Variants in SYT16 observed in about 807,000 individuals in gnomAD.
The protein encoded by SYT16 is synaptotagmin-16.
SYT16 carries 42 observed loss-of-function variants against 61.4 expected under a neutral mutation model. The observed-to-expected ratio is 0.68, with a 90% CI of 0.53 to 0.89. SYT16 has a LOEUF of 0.89. Ranked by LOEUF, SYT16 falls within the 40% of genes least tolerant of loss-of-function variation. SYT16 has a pLI of 0.00. For missense variants in SYT16, 804 were observed against 807.3 expected (o/e 1.00, Z 0.05); for synonymous variants, 314 against 302.3 (o/e 1.04, Z -0.40).
intron 5 of SYT16, 130 bp from the exon 6 acceptor site, chr14:62,080,704 C>T: frequency 1.1e-6 from 1 of 890,686 alleles, no homozygotes; most frequent in Non-Finnish European, 1.7e-6. Flanking sequence ...ACAGACCTAT[C>T]TGATATAGAG....
intron 1 of SYT16, among the ~76,000 whole-genome samples, chr14:61,836,337 G>A (rs182218843): frequency 4.6e-4 from 70 of 152,202 alleles, no homozygotes; most frequent in African/African-American, 1.6e-3. Context: ...GGCCCAGATC[G>A]GCAAAGGAAA....
At position 62,045,605 on chromosome 14, in the gene SYT16, C is replaced by CCA. The variant is rs1235104646; in HGVS notation, c.524-23997_524-23996insAC. ...CTCCTAATGCTATCTCTCCCCACTTCCCCCACCCCACAACAGGCCCCGGTG... is the reference window on the plus strand; with the variant it reads ...CTCCTAATGCTATCTCTCCCCACTTCCACCCCACCCCACAACAGGCCCCGGTG... On this transcript the variant is annotated intron_variant, in intron 3 of 7. Coordinates refer to ENST00000683842, the MANE Select transcript of SYT16 (RefSeq NM_001367656.1). Among the ~76,000 whole-genome samples, 10 of 152,054 alleles carry CCA rather than the reference C, an allele frequency of 6.6e-5. No homozygotes were observed. The East Asian group carries it at 1.2e-3, about 18-fold the overall frequency.
intron 1 of SYT16, among the ~76,000 whole-genome samples, chr14:61,849,045 G>A (rs1432504009): frequency 6.6e-6 from 1 of 152,156 alleles, no homozygotes; most frequent in Non-Finnish European, 1.5e-5. Context: ...TGCCAGGACT[G>A]GGTTCTTCCC....
intron 3 of SYT16, among the ~76,000 whole-genome samples, chr14:62,067,054 A>G (rs1270812750): frequency 6.6e-6 from 1 of 152,060 alleles, no homozygotes; most frequent in Non-Finnish European, 1.5e-5. Context: ...TGACTAGTGT[A>G]TATAGGGGCT....
At chr14:62,017,907 T>C in intron 3 of SYT16, among the ~76,000 whole-genome samples, 1 of 152,038 alleles carries the variant, frequency 6.6e-6, no homozygotes, top group East Asian at 1.9e-4. Flanking sequence ...GTAGAGACAG[T>C]GTCTCACTAT....
intron 2 of SYT16, among the ~76,000 whole-genome samples, chr14:61,973,030 C>T (rs1226359257): frequency 6.6e-6 from 1 of 152,038 alleles, no homozygotes; most frequent in African/African-American, 2.4e-5. Flanking sequence ...ATAAGATTGC[C>T]ATTTTTGTTG....
chr14:61,863,257 T>C (rs2047021203), intron 1 of SYT16, among the ~76,000 whole-genome samples: 2 of 151,656 alleles, frequency 1.3e-5, no homozygotes, highest in East Asian at 3.8e-4. Context: ...TGAGAGTTCC[T>C]GTTGTTCCGC....
chr14:62,084,226 G>A lies in SYT16; in HGVS notation c.1465G>A (p.Val489Ile). 1 of 1,613,854 alleles carries A rather than the reference G, an allele frequency of 6.2e-7. No homozygotes were observed. Among genetic ancestry groups the A allele is most frequent in the Non-Finnish European group, 8.5e-7 (1 of 1,179,834 alleles). ...AGGGTCTCCGCTCAGCCCATCTGCG[G>A]TTTCTCACAGTGATAGTACTTCATC... ...SGGSPLSPSA[V>I]SHSDSTSSTQ... Residue 489 changes from valine to isoleucine, a missense_variant, in exon 7 of 8, where the codon GTT (valine) becomes ATT (isoleucine). Val to Ile is a conservative substitution (Grantham distance 29). Coordinates refer to ENST00000683842, the MANE Select transcript of SYT16 (RefSeq NM_001367656.1).
chr14:61,845,039 C>CTTTTT lies in SYT16; in HGVS notation c.-325+32251_-325+32255dup, dbSNP rs35131511. Among the ~76,000 whole-genome samples, 67 of 97,618 alleles carry CTTTTT rather than the reference C, an allele frequency of 6.9e-4. 5 individuals carry two copies. The highest frequency in any genetic ancestry group is 1.9e-3 in the African/African-American group (39 of 20,982). The allele number at this position is 97,618 out of a possible 152,430, so 64.0% of individuals were successfully genotyped here. ...TTGCAAGCTTTTCTTTACTAGAAGA[C>CTTTTT]TTTTTTTTTTTTTTTTTTTTTTTTT... On this transcript the variant is annotated intron_variant, in intron 1 of 7. Transcript: ENST00000683842.
In SYT16 at chr14:62,105,241, C is replaced by T. The variant is rs1404561896; in HGVS notation, c.*4534C>T. On this transcript the variant is annotated 3_prime_UTR_variant, in exon 8 of 8. Transcript: ENST00000683842. The stretch of plus-strand genomic sequence containing the variant: ...CCTCTTGATCGATCACAAACAAGGC[C>T]TCTCCTTGTCTCCAGTTCTCTTATT... 1 of 152,164 alleles carries T rather than the reference C, an allele frequency of 6.6e-6. No homozygotes were observed. Among genetic ancestry groups the T allele is most frequent in the Non-Finnish European group, 1.5e-5 (1 of 68,038 alleles). The allele number at this position is 152,164 out of a possible 1,614,324, so 9.4% of individuals were successfully genotyped here.
At chr14:61,825,452 A>C (rs1168004253) in intron 1 of SYT16, among the ~76,000 whole-genome samples, 1 of 152,200 alleles carries the variant, frequency 6.6e-6, no homozygotes. Flanking sequence ...AGGTGGAGGC[A>C]GGTGGATTCC....
At chr14:61,889,442 G>C (rs2048035968) in intron 1 of SYT16, among the ~76,000 whole-genome samples, 1 of 152,110 alleles carries the variant, frequency 6.6e-6, no homozygotes, top group Admixed American at 6.5e-5. Flanking sequence ...GGCTGTAATG[G>C]GAGACGTTTG....
chr14:61,881,830 C>G (rs1478504448), intron 1 of SYT16, among the ~76,000 whole-genome samples: 2 of 152,156 alleles, frequency 1.3e-5, no homozygotes, highest in Non-Finnish European at 2.9e-5. Flanking sequence ...CTTCTACAGT[C>G]CCCCTCCTCC....
At chr14:61,955,645 A>G (rs909496248) in intron 1 of SYT16, among the ~76,000 whole-genome samples, 1 of 151,748 alleles carries the variant, frequency 6.6e-6, no homozygotes, top group African/African-American at 2.4e-5. Flanking sequence ...GCTGAATAAT[A>G]TTTTATCTTA....
chr14:61,951,143 A>G (rs756189753), intron 1 of SYT16, among the ~76,000 whole-genome samples: 5 of 152,200 alleles, frequency 3.3e-5, no homozygotes, highest in Admixed American at 6.5e-5. Context: ...AATGCTCCCA[A>G]CAAACAAATT....
chr14:61,829,220 A>C (rs1031036510), intron 1 of SYT16, among the ~76,000 whole-genome samples: 1 of 151,752 alleles, frequency 6.6e-6, no homozygotes, highest in Non-Finnish European at 1.5e-5. Context: ...ATCACAAAAG[A>C]AAAAGTGCCA....
chr14:62,078,106 G>GCT (rs138705547), intron 5 of SYT16, among the ~76,000 whole-genome samples: 23,144 of 137,064 alleles, frequency 0.17, 2,163 homozygotes, highest in African/African-American at 0.26. Context: ...TTGTGCGCTT[G>GCT]CTCTCTCTCT....
chr14:62,042,980 A>G (rs1374969220), intron 3 of SYT16, among the ~76,000 whole-genome samples: 1 of 151,878 alleles, frequency 6.6e-6, no homozygotes, highest in Non-Finnish European at 1.5e-5. Flanking sequence ...TTATGCCCCC[A>G]TCTTTGCCTG....
intron 1 of SYT16, among the ~76,000 whole-genome samples, chr14:61,817,027 AC>A (rs398025351): frequency 0.27 from 40,776 of 149,366 alleles, 6,548 homozygotes; most frequent in African/African-American, 0.4. Flanking sequence ...ACACACACAC[AC>A]AAAAAAAGCA....
Sources: allele counts gnomAD v4.1 joint callset (sites outside exome capture counted in the v4.1 genomes callset), GRCh38; gene constraint gnomAD v4.1.1; transcripts MANE v1.5; gene names NCBI Gene and HGNC (gene_info 2026-07-23, HGNC 2026-07-21).